The following PLCG2 variants were observed in gnomAD, a reference collection of about 807,000 sequenced individuals.
PLCG2 encodes phospholipase C gamma 2, also known as 1-phosphatidylinositol 4,5-bisphosphate phosphodiesterase gamma-2.
PLCG2 carries 69 observed loss-of-function variants against 175.6 expected under a neutral mutation model. That is an observed-to-expected ratio of 0.39 (90% CI 0.32 to 0.48). The LOEUF (loss-of-function observed/expected upper bound fraction) is 0.48, where lower values mean the gene tolerates loss of function less well. Among genes scored for constraint, PLCG2 ranks in the 20% least tolerant of loss-of-function variants. PLCG2 has a pLI of 0.91. For missense variants in PLCG2, 1,798 were observed against 1,650.9 expected (o/e 1.09, Z -1.54); for synonymous variants, 827 against 624.0 (o/e 1.33, Z -4.85).
chr16:81,772,493 A>C (rs868492137), intron 2 of PLCG2, among the ~76,000 whole-genome samples: 4 of 152,012 alleles, frequency 2.6e-5, no homozygotes, highest in African/African-American at 9.7e-5. Context: ...CCTGGTATTA[A>C]ATAAGGGCTC....
intron 21 of PLCG2, 134 bp from the exon 22 acceptor site, chr16:81,923,351 G>C (rs1910133520): frequency 1.7e-6 from 1 of 596,660 alleles, no homozygotes; most frequent in African/African-American, 1.9e-5. Context: ...TCCCTCTCCA[G>C]CAGATGACTT....
intron 2 of PLCG2, among the ~76,000 whole-genome samples, chr16:81,848,642 G>C (rs1187618236): frequency 6.6e-6 from 1 of 152,096 alleles, no homozygotes; most frequent in African/African-American, 2.4e-5. Context: ...TCAGTCATCA[G>C]TAATTTGATC....
chr16:81,872,824 G>A (rs1485948597), intron 7 of PLCG2, among the ~76,000 whole-genome samples: 1 of 152,244 alleles, frequency 6.6e-6, no homozygotes, highest in Non-Finnish European at 1.5e-5. Flanking sequence ...TGCAATGGGA[G>A]GTTGGGAGTT....
Position 81,960,032 on chromosome 16 carries a change from C to G in PLCG2, c.*2034C>G, listed in dbSNP as rs113525853. ...CTCTCCAGCTGCTGCTGTGTAAAAT[C>G]CATGCGTGGCCAAAGAGAAGTCAGG... is the stretch of plus-strand genomic sequence containing the variant. On this transcript the variant is annotated 3_prime_UTR_variant, in exon 33 of 33. Coordinates refer to ENST00000564138, the MANE Select transcript of PLCG2 (RefSeq NM_002661.5). 5.1e-3 allele frequency: 1,107 copies of G among 216,860 alleles called. 15 individuals carry two copies. The highest frequency in any genetic ancestry group is 0.022 in the African/African-American group (975 of 44,454). 13.4% of individuals were successfully genotyped at this position (216,860 alleles called of 1,614,324 possible).
intron 19 of PLCG2, 39 bp downstream of exon 19, chr16:81,912,755 G>T (rs201020357): frequency 1.4e-4 from 221 of 1,546,854 alleles, no homozygotes; most frequent in Non-Finnish European, 1.8e-4. Flanking sequence ...CTACAGAGGG[G>T]CTTGGCAAGG....
At chr16:81,935,468 C>G (rs1036064041) in intron 26 of PLCG2, 6 of 943,182 alleles carry the variant, frequency 6.4e-6, no homozygotes, top group Non-Finnish European at 7.6e-6. Context: ...AGGTAGCAAG[C>G]TTTTTGATGA....
intron 17 of PLCG2, among the ~76,000 whole-genome samples, chr16:81,909,953 T>A (rs1909544135): frequency 7.3e-6 from 1 of 136,372 alleles, no homozygotes; most frequent in East Asian, 2.2e-4. Context: ...AGCTGGGATT[T>A]GAATCCAGGC....
rs572544342 is a variant in PLCG2 at position 81,954,440 on chromosome 16, ATGG to A, written c.3571-2250_3571-2248del. Among the ~76,000 whole-genome samples, 15 of 152,312 alleles carry A rather than the reference ATGG, an allele frequency of 9.8e-5. No individual in the cohort carries two copies. The South Asian group carries it at 3.1e-3, about 32-fold the overall frequency. On this transcript the variant is annotated intron_variant, in intron 31 of 32. Transcript: ENST00000564138. ...TTTGTTACATAGGTATACGTGTGCC[ATGG>A]TGGTTTGCTGTACTCGTCAACCTGT...
intron 2 of PLCG2, among the ~76,000 whole-genome samples, chr16:81,825,005 A>G (rs1904985495): frequency 6.6e-6 from 1 of 152,220 alleles, no homozygotes; most frequent in African/African-American, 2.4e-5. Flanking sequence ...AGGGGCCACA[A>G]GCCAAGAAAT....
intron 31 of PLCG2, among the ~76,000 whole-genome samples, chr16:81,954,991 G>A (rs774938257): frequency 1.3e-5 from 2 of 151,878 alleles, no homozygotes; most frequent in Non-Finnish European, 2.9e-5. Context: ...CCACAGCCTC[G>A]CCAGCATCTA....
At chr16:81,839,724 G>C (rs189310206) in intron 2 of PLCG2, among the ~76,000 whole-genome samples, 1 of 152,266 alleles carries the variant, frequency 6.6e-6, no homozygotes, top group East Asian at 1.9e-4. Flanking sequence ...CAGCAGGAGG[G>C]TGAAAAACAC....
intron 8 of PLCG2, among the ~76,000 whole-genome samples, chr16:81,882,036 A>G (rs1261386133): frequency 2.6e-5 from 4 of 152,176 alleles, no homozygotes; most frequent in Non-Finnish European, 4.4e-5. Flanking sequence ...CTCATAATCA[A>G]AGACAACAGA....
intron 2 of PLCG2, among the ~76,000 whole-genome samples, chr16:81,818,251 T>A (rs969027248): frequency 1.3e-5 from 2 of 152,250 alleles, no homozygotes; most frequent in South Asian, 2.1e-4. Context: ...CTCAGTCAGC[T>A]CCTCACTTCC....
chr16:81,805,762 G>GTTTTTTTTT (rs1567473489), intron 2 of PLCG2, among the ~76,000 whole-genome samples: 1 of 38,910 alleles, frequency 2.6e-5, no homozygotes, highest in African/African-American at 1.4e-4. Context: ...GTAGTGTTTT[G>GTTTTTTTTT]TTTTGTTTTT....
intron 2 of PLCG2, among the ~76,000 whole-genome samples, chr16:81,765,174 G>A (rs1910120789): frequency 6.6e-6 from 1 of 152,262 alleles, no homozygotes; most frequent in Admixed American, 6.5e-5. Context: ...GAGGGAAGAT[G>A]ATATGAAGGC....
chr16:81,860,290 G>A (rs1906917274), intron 5 of PLCG2, among the ~76,000 whole-genome samples: 1 of 150,848 alleles, frequency 6.6e-6, no homozygotes, highest in South Asian at 2.1e-4. Context: ...TCATTTCCGT[G>A]TTGATGCACA....
intron 2 of PLCG2, among the ~76,000 whole-genome samples, chr16:81,756,219 C>T (rs1050112686): frequency 1.2e-4 from 19 of 152,240 alleles, no homozygotes; most frequent in Non-Finnish European, 2.4e-4. Context: ...GGCCACATTT[C>T]CCCTGCAAGG....
At chr16:81,875,775 A>G (rs1011662177) in intron 7 of PLCG2, among the ~76,000 whole-genome samples, 1 of 152,188 alleles carries the variant, frequency 6.6e-6, no homozygotes, top group Non-Finnish European at 1.5e-5. Flanking sequence ...CAAAAAGAAA[A>G]TTGAGAAGGC....
At chr16:81,779,944 C>A (rs1445481716) in intron 1 of PLCG2, among the ~76,000 whole-genome samples, 1 of 152,170 alleles carries the variant, frequency 6.6e-6, no homozygotes, top group African/African-American at 2.4e-5. Context: ...ATGCCCGCTC[C>A]GCAGCTGTCT....
Sources: allele counts gnomAD v4.1 joint callset (sites outside exome capture counted in the v4.1 genomes callset), GRCh38; gene constraint gnomAD v4.1.1; transcripts MANE v1.5; gene names NCBI Gene and HGNC (gene_info 2026-07-23, HGNC 2026-07-21).